LRMDA: variants seen among roughly 807,000 people sequenced by gnomAD.
LRMDA encodes the protein leucine rich melanocyte differentiation associated.
In LRMDA, 18 loss-of-function variants were observed where a neutral mutation model predicts 29.8. The ratio of observed to expected loss-of-function variants is 0.60; its 90% CI spans 0.42 to 0.90. The LOEUF (loss-of-function observed/expected upper bound fraction) is 0.90, where lower values mean the gene tolerates loss of function less well. Ranked by LOEUF, LRMDA falls within the 40% of genes least tolerant of loss-of-function variation. LRMDA has a pLI of 0.00. For missense variants in LRMDA, 273 were observed against 273.9 expected, an observed-to-expected ratio of 1.00 and a Z score of 0.02; for synonymous variants, 125 against 109.4, an observed-to-expected ratio of 1.14 and a Z score of -0.89.
chr10:75,846,381 T>C (rs1483406161), intron 2 of LRMDA, among the ~76,000 whole-genome samples: 3 of 152,102 alleles, frequency 2.0e-5, no homozygotes. Flanking sequence ...ATGAGAAAAG[T>C]CATAGGCTTA....
intron 5 of LRMDA, among the ~76,000 whole-genome samples, chr10:76,295,288 C>T (rs1840397934): frequency 6.6e-6 from 1 of 152,148 alleles, no homozygotes; most frequent in Non-Finnish European, 1.5e-5. Flanking sequence ...AGCTGGAAGA[C>T]CATTTTTGTA....
chr10:76,167,547 A>T (rs1407754073), intron 5 of LRMDA, among the ~76,000 whole-genome samples: 1 of 152,192 alleles, frequency 6.6e-6, no homozygotes, highest in Non-Finnish European at 1.5e-5. Context: ...CAATTTGTCA[A>T]AGATCAGATA....
At chr10:76,131,903 T>C (rs1850000091) in intron 5 of LRMDA, among the ~76,000 whole-genome samples, 1 of 152,216 alleles carries the variant, frequency 6.6e-6, no homozygotes, top group African/African-American at 2.4e-5. Context: ...ATGATAGGTA[T>C]GTACTAAACA....
chr10:76,466,005 A>G (rs1842561295), intron 6 of LRMDA, among the ~76,000 whole-genome samples: 1 of 152,214 alleles, frequency 6.6e-6, no homozygotes, highest in Non-Finnish European at 1.5e-5. Context: ...TCACTTTCTG[A>G]GGTTCTGGGG....
At chr10:76,057,054 A>G (rs1848627961) in intron 4 of LRMDA, among the ~76,000 whole-genome samples, 1 of 152,208 alleles carries the variant, frequency 6.6e-6, no homozygotes, top group African/African-American at 2.4e-5. Flanking sequence ...AGTGAAGGCA[A>G]GCCACACTGT....
In LRMDA at chr10:75,748,218, C is replaced by T. The variant is rs190064814; in HGVS notation, c.132-287790C>T. On this transcript the variant is annotated intron_variant, in intron 2 of 6. Coordinates refer to ENST00000611255, the MANE Select transcript of LRMDA (RefSeq NM_001305581.2). ...AAGTGATTTTCCTGCCTCAGCCTCC[C>T]GAGCAGCTGGGATTATAGGCACACA... Among the ~76,000 whole-genome samples the T allele has an allele frequency of 1.1e-3, 167 of 152,122 alleles. 1 individual carries two copies. The highest frequency in any genetic ancestry group is 3.9e-3 in the African/African-American group (162 of 41,502).
intron 2 of LRMDA, among the ~76,000 whole-genome samples, chr10:75,543,292 C>A (rs74715344): frequency 3.3e-4 from 50 of 152,164 alleles, no homozygotes; most frequent in Non-Finnish European, 6.2e-4. Context: ...TTTAACAGGG[C>A]GCTGTTAAAA....
At chr10:75,817,107 T>C (rs552520444) in intron 2 of LRMDA, among the ~76,000 whole-genome samples, 1 of 152,328 alleles carries the variant, frequency 6.6e-6, no homozygotes, top group South Asian at 2.1e-4. Context: ...CAGCAGCATA[T>C]GTTGATTGCC....
At chr10:75,539,915 A>G (rs1259866669) in intron 2 of LRMDA, among the ~76,000 whole-genome samples, 1 of 152,162 alleles carries the variant, frequency 6.6e-6, no homozygotes, top group Non-Finnish European at 1.5e-5. Flanking sequence ...TTTTCTTTAT[A>G]GCATTAATTC....
chr10:76,536,085 C>A (rs1216263529), intron 6 of LRMDA: 1 of 152,176 alleles, frequency 6.6e-6, no homozygotes, highest in East Asian at 1.9e-4. Flanking sequence ...CATATAGATA[C>A]CATTTTAAAT....
chr10:76,022,678 C>G (rs1847994590), intron 2 of LRMDA, among the ~76,000 whole-genome samples: 1 of 152,118 alleles, frequency 6.6e-6, no homozygotes, highest in Non-Finnish European at 1.5e-5. Flanking sequence ...GGAAAGCCTT[C>G]CCCACCAGGC....
At chr10:76,187,423 A>G (rs1240759484) in intron 5 of LRMDA, among the ~76,000 whole-genome samples, 1 of 152,128 alleles carries the variant, frequency 6.6e-6, no homozygotes, top group African/African-American at 2.4e-5. Context: ...CCATTCTTCT[A>G]GTTCATTACT....
intron 5 of LRMDA, among the ~76,000 whole-genome samples, chr10:76,264,570 T>A (rs1839983797): frequency 6.6e-6 from 1 of 152,106 alleles, no homozygotes; most frequent in Non-Finnish European, 1.5e-5. Flanking sequence ...CTCATGCTGT[T>A]TGCCCAATTC....
intron 2 of LRMDA, among the ~76,000 whole-genome samples, chr10:75,461,522 C>T (rs1376773704): frequency 6.6e-6 from 1 of 152,130 alleles, no homozygotes; most frequent in African/African-American, 2.4e-5. Flanking sequence ...TTGGGGGTAG[C>T]CTGTCCTGAA....
intron 5 of LRMDA, among the ~76,000 whole-genome samples, chr10:76,182,928 C>T (rs892725710): frequency 6.6e-6 from 1 of 152,110 alleles, no homozygotes; most frequent in Non-Finnish European, 1.5e-5. Flanking sequence ...AAGGACAAGC[C>T]AGTTATAAAA....
At chr10:75,469,204 G>T (rs193150448) in intron 2 of LRMDA, among the ~76,000 whole-genome samples, 3 of 152,036 alleles carry the variant, frequency 2.0e-5, no homozygotes, top group Admixed American at 6.5e-5. Context: ...GAAAAAAAAA[G>T]AGAGAGATGA....
At chr10:75,778,767 T>C (rs1217326446) in intron 2 of LRMDA, among the ~76,000 whole-genome samples, 1 of 152,238 alleles carries the variant, frequency 6.6e-6, no homozygotes, top group East Asian at 1.9e-4. Flanking sequence ...AGGAATAGAC[T>C]AGCAGTATCT....
At chr10:76,301,835 G>T (rs937392559) in intron 5 of LRMDA, among the ~76,000 whole-genome samples, 6 of 152,202 alleles carry the variant, frequency 3.9e-5, no homozygotes, top group Admixed American at 3.9e-4. Flanking sequence ...TCGCGCTAGA[G>T]ATAATGGGAA....
At chr10:76,377,813 A>G (rs1841540022) in intron 6 of LRMDA, among the ~76,000 whole-genome samples, 1 of 152,180 alleles carries the variant, frequency 6.6e-6, no homozygotes. Context: ...AGGTAATGTG[A>G]TGCCTCCAGC....
Sources: allele counts gnomAD v4.1 joint callset (sites outside exome capture counted in the v4.1 genomes callset), GRCh38; gene constraint gnomAD v4.1.1; transcripts MANE v1.5; gene names NCBI Gene and HGNC (gene_info 2026-07-23, HGNC 2026-07-21).